SORCS1: variants seen among roughly 807,000 people sequenced by gnomAD.
SORCS1 encodes VPS10 domain-containing receptor SorCS1.
In SORCS1, 60 loss-of-function variants were observed where a neutral mutation model predicts 146.1. That is an observed-to-expected ratio of 0.41 (90% CI 0.33 to 0.51). The LOEUF is 0.51. Ranked by LOEUF, SORCS1 falls within the 20% of genes least tolerant of loss-of-function variation. The probability of loss-of-function intolerance (pLI) is 0.21; values close to 1 mark genes in which losing one functional copy is unlikely to be tolerated. For synonymous variants in SORCS1, 637 were observed against 584.0 expected (o/e 1.09, Z -1.31); for missense variants, 1,352 against 1,487.6 (o/e 0.91, Z 1.50).
intron 5 of SORCS1, among the ~76,000 whole-genome samples, chr10:106,756,864 TCATGAAC>T (rs1282037736): frequency 1.3e-4 from 20 of 152,190 alleles, no homozygotes; most frequent in Non-Finnish European, 2.5e-4. Flanking sequence ...ACTCACCAGA[TCATGAAC>T]CAGATGCCTC....
intron 4 of SORCS1, among the ~76,000 whole-genome samples, chr10:106,768,445 G>C (rs1434721941): frequency 6.6e-6 from 1 of 152,206 alleles, no homozygotes; most frequent in African/African-American, 2.4e-5. Context: ...TCCCCAGGGG[G>C]TTGAATTTCA....
chr10:106,613,459 C>A (rs574619673), intron 21 of SORCS1, among the ~76,000 whole-genome samples: 1 of 152,270 alleles, frequency 6.6e-6, no homozygotes, highest in Non-Finnish European at 1.5e-5. Flanking sequence ...GAGTCCCCTG[C>A]GTTCCAGGAA....
intron 1 of SORCS1, among the ~76,000 whole-genome samples, chr10:107,010,245 G>T (rs775733407): frequency 2.6e-5 from 4 of 152,118 alleles, no homozygotes; most frequent in Non-Finnish European, 5.9e-5. Flanking sequence ...GATGGAGTAG[G>T]GGAGATTTCA....
At chr10:106,967,389 A>G (rs1263999922) in intron 1 of SORCS1, among the ~76,000 whole-genome samples, 1 of 152,186 alleles carries the variant, frequency 6.6e-6, no homozygotes, top group Non-Finnish European at 1.5e-5. Flanking sequence ...ATGCTAAATT[A>G]AATATTTTTT....
At position 106,706,596 on chromosome 10, in the gene SORCS1, G is replaced by A; in HGVS notation, c.1182C>T (p.Tyr394=). 1 of 1,614,148 alleles carries A rather than the reference G, an allele frequency of 6.2e-7. No homozygotes were observed. The highest frequency in any genetic ancestry group is 1.3e-5 in the African/African-American group (1 of 75,056). ...TCATTTGGGCAAATGCATTCCTTCG[G>A]TAGGACACGTAGTAATGTGGCCGCC... The part of the protein sequence containing the change: ...SGGRPHYYVS[Y]RRNAFAQMKL... The change falls in exon 8 of 26, where the codon TAC becomes TAT. Residue 394 remains tyrosine, a synonymous_variant. Transcript: ENST00000263054.
chr10:107,025,823 G>A (rs1349517815), intron 1 of SORCS1, among the ~76,000 whole-genome samples: 2 of 152,200 alleles, frequency 1.3e-5, no homozygotes, highest in East Asian at 3.9e-4. Context: ...TCAGGAAGGT[G>A]CATCTGACAA....
chr10:106,676,924 T>C (rs920115121), intron 13 of SORCS1, among the ~76,000 whole-genome samples: 3 of 152,170 alleles, frequency 2.0e-5, no homozygotes, highest in East Asian at 1.9e-4. Flanking sequence ...CCCATCATGA[T>C]TGCCTAATTG....
chr10:106,864,418 C>T (rs1287163652), intron 2 of SORCS1, among the ~76,000 whole-genome samples: 1 of 152,138 alleles, frequency 6.6e-6, no homozygotes, highest in Non-Finnish European at 1.5e-5. Context: ...ACCCACTCCA[C>T]CATGGCCTTT....
At chr10:106,716,711 T>C (rs563221228) in intron 6 of SORCS1, among the ~76,000 whole-genome samples, 10 of 152,316 alleles carry the variant, frequency 6.6e-5, no homozygotes, top group African/African-American at 2.4e-4. Context: ...TAGACAAACC[T>C]TTCCATCCCC....
chr10:106,971,761 T>C (rs529503202), intron 1 of SORCS1, among the ~76,000 whole-genome samples: 1 of 152,326 alleles, frequency 6.6e-6, no homozygotes, highest in South Asian at 2.1e-4. Context: ...ACTGCAGAGA[T>C]CCACTTTCCA....
chr10:106,618,516 A>G (rs1421793662), intron 20 of SORCS1, among the ~76,000 whole-genome samples: 1 of 152,206 alleles, frequency 6.6e-6, no homozygotes, highest in Non-Finnish European at 1.5e-5. Context: ...ATCCTGATTC[A>G]GGGCTGGGGA....
At chr10:107,076,381 A>G (rs1331043610) in intron 1 of SORCS1, among the ~76,000 whole-genome samples, 2 of 152,130 alleles carry the variant, frequency 1.3e-5, no homozygotes, top group African/African-American at 4.8e-5. Context: ...AGCTTTTTTA[A>G]TATTTTGGTT....
chr10:106,619,903 G>A (rs1032281756), intron 20 of SORCS1, among the ~76,000 whole-genome samples: 1 of 152,176 alleles, frequency 6.6e-6, no homozygotes, highest in Non-Finnish European at 1.5e-5. Flanking sequence ...TTTGATTTAG[G>A]GTAAGAAGGC....
intron 6 of SORCS1, among the ~76,000 whole-genome samples, chr10:106,714,603 T>C (rs1232266234): frequency 1.3e-5 from 2 of 152,194 alleles, no homozygotes; most frequent in African/African-American, 2.4e-5. Context: ...ACGTGCATTA[T>C]GGACCTGAGT....
intron 2 of SORCS1, among the ~76,000 whole-genome samples, chr10:106,832,544 G>A (rs1170823706): frequency 6.6e-6 from 1 of 151,918 alleles, no homozygotes; most frequent in African/African-American, 2.4e-5. Flanking sequence ...AACCTCCTGA[G>A]TCAACATTCT....
chr10:107,170,777 A>C, the SORCS1 span, among the ~76,000 whole-genome samples: 1 of 152,244 alleles, frequency 6.6e-6, no homozygotes, highest in African/African-American at 2.4e-5. Context: ...TATTCCCAAC[A>C]GTATGCTAAG....
At chr10:107,144,196 C>G (rs1426644532) in intron 1 of SORCS1, among the ~76,000 whole-genome samples, 4 of 152,130 alleles carry the variant, frequency 2.6e-5, no homozygotes, top group Non-Finnish European at 5.9e-5. Context: ...TGCTGATACC[C>G]TCACCTTACT....
chr10:106,911,843 T>G (rs1048547498), intron 2 of SORCS1, among the ~76,000 whole-genome samples: 1 of 152,170 alleles, frequency 6.6e-6, no homozygotes, highest in South Asian at 2.1e-4. Context: ...CTGGGTGTGG[T>G]GGCTCACGCC....
chr10:106,964,751 G>C (rs1955421647), intron 1 of SORCS1, among the ~76,000 whole-genome samples: 1 of 151,896 alleles, frequency 6.6e-6, no homozygotes, highest in African/African-American at 2.4e-5. Context: ...CTCCCAAAGT[G>C]CTGGGATTAC....
Sources: gnomAD v4.1 joint callset for allele counts (sites outside exome capture counted in the v4.1 genomes callset) on GRCh38, gnomAD v4.1.1 for gene constraint, MANE v1.5 for transcripts, NCBI Gene and HGNC (gene_info 2026-07-23, HGNC 2026-07-21) for gene names.